CBLIF: variants seen among roughly 807,000 people sequenced by gnomAD.
CBLIF encodes the protein gastric intrinsic factor (vitamin B synthesis).
A neutral mutation model predicts 44.9 loss-of-function variants in CBLIF; 24 were observed. The ratio of observed to expected loss-of-function variants is 0.53; its 90% CI spans 0.39 to 0.75. The LOEUF (loss-of-function observed/expected upper bound fraction) is 0.75, where lower values mean the gene tolerates loss of function less well. Ranked by LOEUF, CBLIF falls within the 30% of genes least tolerant of loss-of-function variation. The pLI is 0.00. For missense variants in CBLIF, 481 were observed against 513.0 expected (o/e 0.94, Z 0.60); for synonymous variants, 183 against 190.9 (o/e 0.96, Z 0.34).
chr11:59,829,579 G>A (rs1403787724), intron 8 of CBLIF, 34 bp from the exon 9 acceptor site: 2 of 1,357,680 alleles, frequency 1.5e-6, no homozygotes, highest in Admixed American at 1.7e-5. Flanking sequence ...TGAGGTGACT[G>A]TGGTGCATGT....
chr11:59,829,796 T>A (rs570116621), intron 8 of CBLIF, among the ~76,000 whole-genome samples: 1 of 152,302 alleles, frequency 6.6e-6, no homozygotes, highest in South Asian at 2.1e-4. Flanking sequence ...GATGCGCGAG[T>A]CTCTTTTTCC....
At chr11:59,838,036 A>C (rs1866477237) in intron 5 of CBLIF, among the ~76,000 whole-genome samples, 1 of 152,180 alleles carries the variant, frequency 6.6e-6, no homozygotes, top group Non-Finnish European at 1.5e-5. Flanking sequence ...AGAATGAGGA[A>C]AATCAGGGCT....
intron 5 of CBLIF, 65 bp downstream of exon 5, chr11:59,841,078 C>G: frequency 8.7e-7 from 1 of 1,151,512 alleles, no homozygotes; most frequent in Non-Finnish European, 1.3e-6. Context: ...GAAGCCTGGC[C>G]TCTTGATTCT....
At chr11:59,844,133 T>A in intron 1 of CBLIF, 78 bp from the exon 2 acceptor site, 1 of 1,158,408 alleles carries the variant, frequency 8.6e-7, no homozygotes, top group Non-Finnish European at 1.3e-6. Context: ...TCTTTGATGC[T>A]TTTTCTTTCT....
chr11:59,837,160 G>A lies in CBLIF; in HGVS notation c.871+14C>T. 6.2e-7 allele frequency: 1 copy of A among 1,600,168 alleles called. No individual in the cohort carries two copies. Among genetic ancestry groups the A allele is most frequent in the South Asian group, 1.1e-5 (1 of 90,776 alleles). On this transcript the variant is annotated intron_variant, in intron 6 of 8. Coordinates refer to ENST00000257248, the MANE Select transcript of CBLIF (RefSeq NM_005142.3). ...GTTGCTGCTTTATGACATAAGGAGA[G>A]GTGGATGTCTTACCAGGACTACAAG...
chr11:59,840,971 A>G, intron 5 of CBLIF, 172 bp downstream of exon 5: 1 of 664,634 alleles, frequency 1.5e-6, no homozygotes, highest in Non-Finnish European at 2.7e-6. Flanking sequence ...AGGAATTAAC[A>G]CTTACCTGCA....
Position 59,843,147 on chromosome 11 carries a change from G to A in CBLIF, c.257-6C>T. 1 of 1,570,820 alleles carries A rather than the reference G, an allele frequency of 6.4e-7. No homozygotes were observed. The highest frequency in any genetic ancestry group is 8.8e-7 in the Non-Finnish European group (1 of 1,140,652). On this transcript the variant is annotated splice_region_variant and splice_polypyrimidine_tract_variant and intron_variant, in intron 2 of 8. Coordinates refer to ENST00000257248, the MANE Select transcript of CBLIF (RefSeq NM_005142.3). ...GAGCTGCCCAATGGTTAGATCTGCA[G>A]AGAAGAGAACACAACGGTTAGACAG...
At chr11:59,840,483 C>T (rs1463026915) in intron 5 of CBLIF, among the ~76,000 whole-genome samples, 1 of 152,306 alleles carries the variant, frequency 6.6e-6, no homozygotes, top group Non-Finnish European at 1.5e-5. Context: ...GGCTGCTGCC[C>T]TAATCAACTA....
intron 1 of CBLIF, among the ~76,000 whole-genome samples, chr11:59,844,825 G>A (rs1341946866): frequency 1.3e-5 from 2 of 152,062 alleles, no homozygotes; most frequent in Non-Finnish European, 2.9e-5. Flanking sequence ...TATTCCTGCA[G>A]TAGTACTTCC....
chr11:59,842,771 A>G (rs537232043), intron 3 of CBLIF, 188 bp from the exon 4 acceptor site: 1 of 659,736 alleles, frequency 1.5e-6, no homozygotes, highest in African/African-American at 1.8e-5. Context: ...TGCAAAGAAT[A>G]AAAGGGATGA....
intron 7 of CBLIF, 51 bp downstream of exon 7, chr11:59,835,757 G>A (rs771476055): frequency 2.2e-5 from 30 of 1,384,196 alleles, no homozygotes; most frequent in Non-Finnish European, 2.6e-5. Context: ...TAAAAAATGG[G>A]AATTCAGATC....
In CBLIF at chr11:59,841,296, C is replaced by G. The variant is rs764229455; in HGVS notation, c.540G>C (p.Leu180=). The G allele has an allele frequency of 2.5e-6, 4 of 1,613,940 alleles. No homozygotes were observed. Among genetic ancestry groups the G allele is most frequent in the South Asian group, 2.2e-5 (2 of 91,070 alleles). ...CAGGGATCTTGTTGTACATACAGGT[C>G]AGAGCCAAGGTTGCCATTGCTCCTG... The part of the protein sequence containing the change: ...VDTGAMATLA[L]TCMYNKIPVG... The change falls in exon 5 of 9, where the codon CTG becomes CTC. Residue 180 remains leucine, a synonymous_variant. Coordinates refer to ENST00000257248, the MANE Select transcript of CBLIF (RefSeq NM_005142.3).
At chr11:59,837,604 G>T (rs923046873) in intron 5 of CBLIF, among the ~76,000 whole-genome samples, 1 of 152,244 alleles carries the variant, frequency 6.6e-6, no homozygotes, top group African/African-American at 2.4e-5. Context: ...CTATTAGGCA[G>T]TCATATTTAC....
At chr11:59,838,310 G>A (rs1250024353) in intron 5 of CBLIF, among the ~76,000 whole-genome samples, 1 of 152,090 alleles carries the variant, frequency 6.6e-6, no homozygotes, top group African/African-American at 2.4e-5. Context: ...GTCTATTGTT[G>A]GGGGAGTCAT....
At position 59,842,390 on chromosome 11, in the gene CBLIF, C is replaced by G. The variant is rs1866543987; in HGVS notation, c.511+53G>C. 1.1e-5 allele frequency: 17 copies of G among 1,593,554 alleles called. 1 individual carries two copies. The South Asian group carries it at 1.9e-4, about 18-fold the overall frequency. On this transcript the variant is annotated intron_variant, in intron 4 of 8. Coordinates refer to ENST00000257248, the MANE Select transcript of CBLIF (RefSeq NM_005142.3). ...TCACTTCCCTGCCAGCTCCACCATTCAGTTCACGATGCCTCTGATGTTCCC... is the reference window on the plus strand; with the variant it reads ...TCACTTCCCTGCCAGCTCCACCATTGAGTTCACGATGCCTCTGATGTTCCC...
At position 59,837,602 on chromosome 11, in the gene CBLIF, C is replaced by T. The variant is rs529230657; in HGVS notation, c.694-251G>A. On this transcript the variant is annotated intron_variant, in intron 5 of 8. Coordinates refer to ENST00000257248, the MANE Select transcript of CBLIF (RefSeq NM_005142.3). ...ATCAGATCCAGGGAACACTATTAGGCAGTCATATTTACGAACGACTCTTGA... is the reference window on the plus strand; with the variant it reads ...ATCAGATCCAGGGAACACTATTAGGTAGTCATATTTACGAACGACTCTTGA... Among the ~76,000 whole-genome samples the T allele has an allele frequency of 3.9e-5, 6 of 152,338 alleles. No individual in the cohort carries two copies. The East Asian group carries it at 1.2e-3, about 29-fold the overall frequency.
At chr11:59,842,249 C>T (rs1354499917) in intron 4 of CBLIF, among the ~76,000 whole-genome samples, 194 bp downstream of exon 4, 2 of 152,146 alleles carry the variant, frequency 1.3e-5, no homozygotes, top group Admixed American at 1.3e-4. Context: ...ATAATACTAC[C>T]CCCTCTTCCT....
chr11:59,837,407 G>T (rs1475217836), intron 5 of CBLIF, 56 bp from the exon 6 acceptor site: 2 of 1,272,886 alleles, frequency 1.6e-6, no homozygotes, highest in Non-Finnish European at 1.1e-6. Context: ...CTGAGAGTTG[G>T]CTCTTACATG....
At chr11:59,830,586 G>A (rs1293591196) in intron 8 of CBLIF, among the ~76,000 whole-genome samples, 1 of 151,828 alleles carries the variant, frequency 6.6e-6, no homozygotes, top group East Asian at 1.9e-4. Flanking sequence ...ATGTTTATGG[G>A]GTATATGGGA....
Sources: allele counts gnomAD v4.1 joint callset (sites outside exome capture counted in the v4.1 genomes callset), GRCh38; gene constraint gnomAD v4.1.1; transcripts MANE v1.5; gene names NCBI Gene and HGNC (gene_info 2026-07-23, HGNC 2026-07-21).